TMEM131L: variants seen among roughly 807,000 people sequenced by gnomAD.
TMEM131L encodes the protein transmembrane protein 131-like.
In TMEM131L, 54 loss-of-function variants were observed where a neutral mutation model predicts 192.2. That is an observed-to-expected ratio of 0.28 (90% CI 0.23 to 0.35). The LOEUF (loss-of-function observed/expected upper bound fraction) is 0.35, where lower values mean the gene tolerates loss of function less well. Ranked by LOEUF, TMEM131L falls within the 10% of genes least tolerant of loss-of-function variation. The probability of loss-of-function intolerance (pLI) is 1.00; values close to 1 mark genes in which losing one functional copy is unlikely to be tolerated. For missense variants in TMEM131L, 1,888 were observed against 1,972.9 expected (o/e 0.96, Z 0.82); for synonymous variants, 701 against 704.9 (o/e 0.99, Z 0.09).
rs1346558051 is a variant in TMEM131L, at chr4:153,466,411, G to A, written c.14G>A (p.Arg5Gln). The A allele has an allele frequency of 3.0e-6, 4 of 1,349,986 alleles. No individual in the cohort carries two copies. Among genetic ancestry groups the A allele is most frequent in the South Asian group, 1.8e-5 (1 of 56,344 alleles). The allele number at this position is 1,349,986 out of a possible 1,614,324, so 83.6% of individuals were successfully genotyped here. Residue 5 changes from arginine (R) to glutamine (Q), a missense_variant, in exon 1 of 35, where the codon CGA becomes CAA. Coordinates refer to ENST00000409959, the MANE Select transcript of TMEM131L (RefSeq NM_001131007.2). MAGL[R>Q]RPQPGCYCRT... ...GCGAGCAGCAGCATGGCGGGGCTCC[G>A]ACGCCCGCAGCCCGGCTGCTACTGC...
rs200034572 is a variant in TMEM131L at position 153,593,795 on chromosome 4, A to G, written c.1923-4A>G. 3 of 1,607,014 alleles carry G rather than the reference A, an allele frequency of 1.9e-6. No homozygotes were observed. The highest frequency in any genetic ancestry group is 2.2e-5 in the East Asian group (1 of 44,832). ...GTTTTAAACATTTGCTTTTTTCCTT[A>G]TAGGTTTGGCACTGATATGCAGATG... is the stretch of plus-strand genomic sequence containing the variant. On this transcript the variant is annotated splice_region_variant and splice_polypyrimidine_tract_variant and intron_variant, in intron 18 of 34. Coordinates refer to ENST00000409959, the MANE Select transcript of TMEM131L (RefSeq NM_001131007.2).
intron 3 of TMEM131L, among the ~76,000 whole-genome samples, chr4:153,487,123 T>C (rs1732395518): frequency 6.6e-6 from 1 of 152,200 alleles, no homozygotes; most frequent in East Asian, 1.9e-4. Flanking sequence ...GTGGCTCTGA[T>C]GCACGCTCAA....
intron 3 of TMEM131L, among the ~76,000 whole-genome samples, chr4:153,477,894 A>T (rs1283941109): frequency 6.6e-6 from 1 of 152,198 alleles, no homozygotes; most frequent in Non-Finnish European, 1.5e-5. Context: ...GAGTTGTATA[A>T]CTGTTACTAC....
chr4:153,548,290 A>ATT (rs199671892), intron 3 of TMEM131L, among the ~76,000 whole-genome samples: 1 of 151,468 alleles, frequency 6.6e-6, no homozygotes, highest in African/African-American at 2.4e-5. Context: ...GCATTACTTT[A>ATT]TTTTTTTTTA....
rs780271148 is a variant in TMEM131L at position 153,467,170 on chromosome 4, C to T, written c.125-41C>T. On this transcript the variant is annotated intron_variant, in intron 1 of 34. Coordinates refer to ENST00000409959, the MANE Select transcript of TMEM131L (RefSeq NM_001131007.2). ...GGGGAAACAGGAAGCGTTTCTTTAG[C>T]GTGCATTAAAAACGTGGTGTATTTT... The T allele has an allele frequency of 9.1e-6, 14 of 1,536,748 alleles. No individual in the cohort carries two copies. The South Asian group carries it at 1.2e-4, about 13-fold the overall frequency.
At chr4:153,595,436 A>G (rs949861559) in intron 19 of TMEM131L, among the ~76,000 whole-genome samples, 13 of 146,208 alleles carry the variant, frequency 8.9e-5, no homozygotes, top group African/African-American at 3.2e-4. Context: ...GGAGTTTATA[A>G]TTCTAATAAA....
At chr4:153,524,223 G>C (rs1395292912) in intron 3 of TMEM131L, among the ~76,000 whole-genome samples, 2 of 144,934 alleles carry the variant, frequency 1.4e-5, no homozygotes, top group African/African-American at 5.1e-5. Context: ...TCAGAGCTTT[G>C]CATTCTCAGG....
chr4:153,498,866 C>T (rs1220679125), intron 3 of TMEM131L, among the ~76,000 whole-genome samples: 1 of 152,144 alleles, frequency 6.6e-6, no homozygotes, highest in Non-Finnish European at 1.5e-5. Flanking sequence ...GTTATATCAA[C>T]TTAGAGCTTT....
At chr4:153,531,381 A>T (rs1735891045) in intron 3 of TMEM131L, among the ~76,000 whole-genome samples, 1 of 152,210 alleles carries the variant, frequency 6.6e-6, no homozygotes, top group Non-Finnish European at 1.5e-5. Context: ...AGTGTTTAGG[A>T]GCTACACATT....
intron 2 of TMEM131L, among the ~76,000 whole-genome samples, chr4:153,472,402 T>A (rs1224438731): frequency 6.6e-6 from 1 of 152,158 alleles, no homozygotes; most frequent in African/African-American, 2.4e-5. Flanking sequence ...AAAAAGTTGC[T>A]TAGTGAAGTT....
At chr4:153,517,077 G>A (rs574689034) in intron 3 of TMEM131L, among the ~76,000 whole-genome samples, 7 of 152,000 alleles carry the variant, frequency 4.6e-5, no homozygotes, top group South Asian at 2.1e-4. Flanking sequence ...CACCCACCTC[G>A]GCCTCCCGGA....
chr4:153,602,083 T>G, intron 21 of TMEM131L, 69 bp from the exon 22 acceptor site: 1 of 951,296 alleles, frequency 1.1e-6, no homozygotes, highest in Non-Finnish European at 1.5e-6. Context: ...TAAATATCGA[T>G]CCAATAAATT....
intron 26 of TMEM131L, among the ~76,000 whole-genome samples, chr4:153,618,021 C>T (rs1733115388): frequency 6.6e-6 from 1 of 152,054 alleles, no homozygotes; most frequent in African/African-American, 2.4e-5. Context: ...TCTTAGTTTG[C>T]TAAGAAACTA....
At chr4:153,551,380 C>T (rs892385369) in intron 4 of TMEM131L, among the ~76,000 whole-genome samples, 1 of 147,578 alleles carries the variant, frequency 6.8e-6, no homozygotes, top group African/African-American at 2.5e-5. Context: ...TTTTTTGAGA[C>T]GGAGTCTTGC....
chr4:153,511,726 A>G (rs1219426261), intron 3 of TMEM131L, among the ~76,000 whole-genome samples: 1 of 152,218 alleles, frequency 6.6e-6, no homozygotes, highest in African/African-American at 2.4e-5. Context: ...TAAACAAAAT[A>G]ATAGATTTTG....
At chr4:153,614,772 CAAAG>C (rs1732860800) in intron 26 of TMEM131L, among the ~76,000 whole-genome samples, 1 of 152,120 alleles carries the variant, frequency 6.6e-6, no homozygotes, top group Non-Finnish European at 1.5e-5. Context: ...TCTTTTCTAA[CAAAG>C]AGGCTGTTAC....
At chr4:153,630,197 T>C (rs1255249297) in intron 31 of TMEM131L, among the ~76,000 whole-genome samples, 2 of 152,210 alleles carry the variant, frequency 1.3e-5, no homozygotes, top group Non-Finnish European at 2.9e-5. Context: ...TTCACATGCG[T>C]ACATCATTCC....
Position 153,487,190 on chromosome 4 carries a change from C to CT in TMEM131L, c.239+13307dup, listed in dbSNP as rs571376996. ...CTCAGGGACCATGTTACAAAATATACTTTTTGTGGAGGATTAAATAATGAG... is the reference window on the plus strand; with the variant it reads ...CTCAGGGACCATGTTACAAAATATACTTTTTTGTGGAGGATTAAATAATGAG... On this transcript the variant is annotated intron_variant, in intron 3 of 34. Coordinates refer to ENST00000409959, the MANE Select transcript of TMEM131L (RefSeq NM_001131007.2). 4.1e-4 allele frequency among the ~76,000 whole-genome samples: 62 copies of CT among 152,292 alleles called. 1 individual carries two copies. The highest frequency in any genetic ancestry group is 1.3e-3 in the African/African-American group (53 of 41,558).
chr4:153,634,331 C>A (rs1023879216), intron 33 of TMEM131L, 51 bp downstream of exon 33: 3 of 1,426,882 alleles, frequency 2.1e-6, no homozygotes, highest in South Asian at 2.3e-5. Context: ...CTTAGAAGGT[C>A]AAAGCAGGAA....
Sources: gnomAD v4.1 joint callset for allele counts (sites outside exome capture counted in the v4.1 genomes callset) on GRCh38, gnomAD v4.1.1 for gene constraint, MANE v1.5 for transcripts, NCBI Gene and HGNC (gene_info 2026-07-23, HGNC 2026-07-21) for gene names.